Variants in CCDC141 observed in about 807,000 individuals in gnomAD.
The protein encoded by CCDC141 is coiled-coil domain-containing protein 141.
In CCDC141, 168 loss-of-function variants were observed where a neutral mutation model predicts 181.0. The ratio of observed to expected loss-of-function variants is 0.93; its 90% CI spans 0.82 to 1.05. The LOEUF (loss-of-function observed/expected upper bound fraction) is 1.05. CCDC141 is among the 50% of genes least tolerant of loss of function. The pLI is 0.00. For synonymous variants in CCDC141, 666 were observed against 642.3 expected, an observed-to-expected ratio of 1.04 and a Z score of -0.56; for missense variants, 1,902 against 1,788.5, an observed-to-expected ratio of 1.06 and a Z score of -1.14.
intron 2 of CCDC141, among the ~76,000 whole-genome samples, chr2:179,031,136 T>C (rs1218250087): frequency 6.6e-6 from 1 of 151,936 alleles, no homozygotes; most frequent in South Asian, 2.1e-4. Context: ...TTATAAAGAT[T>C]AGATGCTAAG....
rs1426624216 is a variant in CCDC141 at position 178,869,342 on chromosome 2, A to T, written c.2206-37T>A. On this transcript the variant is annotated intron_variant, in intron 14 of 23. Transcript: ENST00000443758. Reference sequence around the variant, plus strand: ...AAAGCAATAAAAAAATCTTGCTATTAAAGAACTTTTTTACTTTACAACTGA... The same window carrying T: ...AAAGCAATAAAAAAATCTTGCTATTTAAGAACTTTTTTACTTTACAACTGA... The T allele has an allele frequency of 3.3e-6, 5 of 1,514,388 alleles. No individual in the cohort carries two copies. The East Asian group carries it at 9.2e-5, about 28-fold the overall frequency. 93.8% of individuals were successfully genotyped at this position (1,514,388 alleles called of 1,614,324 possible).
At chr2:178,818,332 AT>A in the CCDC141 span, among the ~76,000 whole-genome samples, 1 of 152,192 alleles carries the variant, frequency 6.6e-6, no homozygotes, top group Non-Finnish European at 1.5e-5. Flanking sequence ...GGTTTGTTAC[AT>A]AGGTAAACAT....
chr2:179,033,847 T>C (rs1026562341), intron 2 of CCDC141, among the ~76,000 whole-genome samples: 2 of 152,304 alleles, frequency 1.3e-5, no homozygotes, highest in Admixed American at 1.3e-4. Flanking sequence ...AATAGAAATG[T>C]TTTTAGTGAC....
the CCDC141 span, among the ~76,000 whole-genome samples, chr2:178,816,359 C>A: frequency 6.6e-6 from 1 of 152,190 alleles, no homozygotes; most frequent in African/African-American, 2.4e-5. Flanking sequence ...TCCTTAGTGT[C>A]TTTCCATGCC....
intron 3 of CCDC141, among the ~76,000 whole-genome samples, 171 bp downstream of exon 3, chr2:178,978,313 T>C (rs964953404): frequency 3.3e-5 from 5 of 152,254 alleles, no homozygotes; most frequent in Non-Finnish European, 5.9e-5. Context: ...AAAATAGTAA[T>C]AATTTTGTTT....
chr2:178,866,770 G>A (rs1269026353), intron 16 of CCDC141, among the ~76,000 whole-genome samples: 1 of 152,094 alleles, frequency 6.6e-6, no homozygotes, highest in African/African-American at 2.4e-5. Context: ...CTGTCGCCCA[G>A]GCTGGAGTGC....
intron 16 of CCDC141, among the ~76,000 whole-genome samples, chr2:178,866,901 T>TA (rs2154368708): frequency 6.6e-6 from 1 of 152,314 alleles, no homozygotes; most frequent in South Asian, 2.1e-4. Context: ...AATTGTTGTA[T>TA]TTTTAGTAGA....
intron 5 of CCDC141, among the ~76,000 whole-genome samples, chr2:178,958,470 A>G (rs545585839): frequency 1.3e-5 from 2 of 152,240 alleles, no homozygotes; most frequent in African/African-American, 4.8e-5. Flanking sequence ...AAGTGCTCTA[A>G]AAAAATAAAC....
chr2:178,963,135 T>C (rs1225592541), intron 4 of CCDC141, among the ~76,000 whole-genome samples: 1 of 152,124 alleles, frequency 6.6e-6, no homozygotes, highest in Non-Finnish European at 1.5e-5. Flanking sequence ...AAGAAATGTT[T>C]TGAAAGAGGG....
chr2:179,026,716 C>T (rs541343434), intron 2 of CCDC141, among the ~76,000 whole-genome samples: 16 of 152,326 alleles, frequency 1.1e-4, no homozygotes, highest in East Asian at 9.7e-4. Context: ...AAGCCACAGA[C>T]GCACAATGCC....
chr2:178,923,622 A>C (rs1296110613), intron 6 of CCDC141, among the ~76,000 whole-genome samples: 1 of 152,066 alleles, frequency 6.6e-6, no homozygotes, highest in Admixed American at 6.5e-5. Context: ...TGTCCCCACC[A>C]GCAGAAAGCC....
intron 2 of CCDC141, among the ~76,000 whole-genome samples, chr2:178,981,636 G>GTGTATA (rs1313433628): frequency 0.013 from 783 of 62,400 alleles, 21 homozygotes; most frequent in Non-Finnish European, 0.018. Context: ...GTGTGTGTGT[G>GTGTATA]TATATATATA....
chr2:178,986,847 G>C (rs1370796930), intron 2 of CCDC141, among the ~76,000 whole-genome samples: 1 of 150,878 alleles, frequency 6.6e-6, no homozygotes, highest in Non-Finnish European at 1.5e-5. Context: ...AACATTCCAT[G>C]CTCATGGGTA....
At chr2:178,901,529 A>G (rs535516446) in intron 8 of CCDC141, among the ~76,000 whole-genome samples, 1 of 152,352 alleles carries the variant, frequency 6.6e-6, no homozygotes, top group South Asian at 2.1e-4. Flanking sequence ...CAATAGATGC[A>G]GAAAAGGCCT....
chr2:178,979,111 C>T lies in CCDC141; in HGVS notation c.226-436G>A, dbSNP rs545218006. 3.6e-4 allele frequency among the ~76,000 whole-genome samples: 54 copies of T among 152,014 alleles called. 1 individual carries two copies. The highest frequency in any genetic ancestry group is 8.0e-4 in the African/African-American group (33 of 41,474). ...TCATTAGTTGTTAATATGACCGTGA[C>T]GATTAATGTAAATATTAAGAGTAGA... On this transcript the variant is annotated intron_variant, in intron 2 of 23. Transcript: ENST00000443758.
intron 2 of CCDC141, among the ~76,000 whole-genome samples, chr2:179,022,082 T>TTAGAAATTAGTAATTTCTAATTA (rs1404158718): frequency 1.3e-5 from 2 of 152,216 alleles, no homozygotes; most frequent in Non-Finnish European, 2.9e-5. Context: ...AAGTAAATAA[T>TTAGAAATTAGTAATTTCTAATTA]GTAATTAGAA....
At position 178,829,920 on chromosome 2, in the gene CCDC141, T is replaced by C. The variant is rs1168984728; in HGVS notation, c.*4253A>G. On this transcript the variant is annotated 3_prime_UTR_variant, in exon 24 of 24. Transcript: ENST00000443758. ...AAAGCAGAACAAAATAAGATATTCT[T>C]TCCTTTCTTCATTTGGAATTCAAAT... The C allele has an allele frequency of 6.6e-6, 1 of 152,250 alleles. No individual in the cohort carries two copies. The allele number at this position is 152,250 out of a possible 1,614,324, so 9.4% of individuals were successfully genotyped here.
intron 8 of CCDC141, among the ~76,000 whole-genome samples, chr2:178,900,717 T>C (rs1427576676): frequency 4.6e-5 from 7 of 152,142 alleles, no homozygotes; most frequent in Admixed American, 2.6e-4. Context: ...CAGGATAAAA[T>C]TCAGCAGTAA....
At chr2:179,035,558 G>A (rs1413494402) in intron 2 of CCDC141, among the ~76,000 whole-genome samples, 1 of 152,134 alleles carries the variant, frequency 6.6e-6, no homozygotes, top group Non-Finnish European at 1.5e-5. Context: ...CAAGTCAGCT[G>A]GGAGGCTCAA....
Sources: gnomAD v4.1 joint callset for allele counts (sites outside exome capture counted in the v4.1 genomes callset) on GRCh38, gnomAD v4.1.1 for gene constraint, MANE v1.5 for transcripts, NCBI Gene and HGNC (gene_info 2026-07-23, HGNC 2026-07-21) for gene names.